The following PLXNA4 variants were observed in gnomAD, a reference collection of about 807,000 sequenced individuals.
The protein encoded by PLXNA4 is plexin A4.
PLXNA4 carries 44 observed loss-of-function variants against 191.8 expected under a neutral mutation model. That is an observed-to-expected ratio of 0.23 (90% CI 0.18 to 0.29). The LOEUF is 0.29. Among genes scored for constraint, PLXNA4 ranks in the 10% least tolerant of loss-of-function variants. The probability of loss-of-function intolerance (pLI) is 1.00; values close to 1 mark genes in which losing one functional copy is unlikely to be tolerated. For missense variants in PLXNA4, 1,800 were observed against 2,488.8 expected, an observed-to-expected ratio of 0.72 and a Z score of 5.89; for synonymous variants, 1,082 against 1,009.5, an observed-to-expected ratio of 1.07 and a Z score of -1.36.
intron 4 of PLXNA4, among the ~76,000 whole-genome samples, chr7:132,248,112 T>C (rs1799123922): frequency 6.6e-6 from 1 of 152,224 alleles, no homozygotes; most frequent in Non-Finnish European, 1.5e-5. Context: ...GGCAAATGAA[T>C]GCTTCCGAAG....
In PLXNA4 at chr7:132,198,634, T is replaced by A. The variant is rs373278421; in HGVS notation, c.2589A>T (p.Ile863=). ...SKCTNPRITE[I]IPVTGPREGG... ...CTTCCCGGGGGCCTGTCACCGGGATTATCTGGAGGGAGGAAGAGAAATAAT... is the reference window on the plus strand; with the variant it reads ...CTTCCCGGGGGCCTGTCACCGGGATAATCTGGAGGGAGGAAGAGAAATAAT... Residue 863 remains isoleucine (I), a splice_region_variant and synonymous_variant, in exon 13 of 32, where the codon ATA becomes ATT. Transcript: ENST00000321063. 2.5e-6 allele frequency: 4 copies of A among 1,614,048 alleles called. No homozygotes were observed. Among genetic ancestry groups the A allele is most frequent in the Non-Finnish European group, 1.7e-6 (2 of 1,179,990 alleles).
intron 1 of PLXNA4, among the ~76,000 whole-genome samples, chr7:132,532,548 C>A (rs1223848179): frequency 1.3e-5 from 2 of 152,192 alleles, no homozygotes; most frequent in African/African-American, 2.4e-5. Flanking sequence ...ATCCTTTATG[C>A]ACAATGCATT....
At chr7:132,238,814 A>AG (rs5887557) in intron 5 of PLXNA4, among the ~76,000 whole-genome samples, 2,482 of 146,404 alleles carry the variant, frequency 0.017, 26 homozygotes, top group South Asian at 0.056. Flanking sequence ...GAGTCACAAG[A>AG]GGGGGGGGGG....
At position 132,438,014 on chromosome 7, in the gene PLXNA4, C is replaced by G. The variant is rs185778516; in HGVS notation, c.1371+51278G>C. Among the ~76,000 whole-genome samples the G allele has an allele frequency of 2.6e-5, 4 of 152,242 alleles. No individual in the cohort carries two copies. The East Asian group carries it at 7.7e-4, about 29-fold the overall frequency. On this transcript the variant is annotated intron_variant, in intron 3 of 31. Transcript: ENST00000321063. ...TCAAGAGGAGGGGCAGGAACTGCATCCAGCGTGTGGTTGTGTACGGTTGTG... is the reference window on the plus strand; with the variant it reads ...TCAAGAGGAGGGGCAGGAACTGCATGCAGCGTGTGGTTGTGTACGGTTGTG...
At chr7:132,562,985 T>TCCTCCTCCTC (rs1563175152) in intron 1 of PLXNA4, among the ~76,000 whole-genome samples, 3 of 7,590 alleles carry the variant, frequency 4.0e-4, no homozygotes, top group Non-Finnish European at 5.4e-4. Context: ...TCCTCCTCCT[T>TCCTCCTCCTC]CTCCTCCTCC....
chr7:132,342,196 A>G (rs1043195571), intron 3 of PLXNA4, among the ~76,000 whole-genome samples: 1 of 150,294 alleles, frequency 6.7e-6, no homozygotes, highest in Non-Finnish European at 1.5e-5. Context: ...GGAATTTATG[A>G]TTATAAATAA....
At chr7:132,379,214 T>C (rs142445846) in intron 3 of PLXNA4, among the ~76,000 whole-genome samples, 1 of 152,272 alleles carries the variant, frequency 6.6e-6, no homozygotes, top group East Asian at 1.9e-4. Flanking sequence ...TTGGAGATAT[T>C]CAAGTGGAGG....
At chr7:132,428,508 G>C (rs1306778719) in intron 3 of PLXNA4, among the ~76,000 whole-genome samples, 4 of 152,204 alleles carry the variant, frequency 2.6e-5, no homozygotes, top group African/African-American at 9.7e-5. Flanking sequence ...AAAACAGCTG[G>C]GTCTCTAGGG....
At chr7:132,474,256 A>G (rs1271730609) in intron 3 of PLXNA4, among the ~76,000 whole-genome samples, 3 of 123,700 alleles carry the variant, frequency 2.4e-5, no homozygotes, top group African/African-American at 8.4e-5. Context: ...ACACACACAC[A>G]CATGCACACA....
chr7:132,478,533 A>C (rs1157670975), intron 3 of PLXNA4, among the ~76,000 whole-genome samples: 1 of 152,212 alleles, frequency 6.6e-6, no homozygotes, highest in Admixed American at 6.5e-5. Context: ...AGAAAGACCA[A>C]TGTAAAGAAT....
chr7:132,474,365 C>G (rs1284889952), intron 3 of PLXNA4, among the ~76,000 whole-genome samples: 2 of 151,970 alleles, frequency 1.3e-5, no homozygotes, highest in Admixed American at 1.3e-4. Flanking sequence ...TTCTGTAGTT[C>G]TTTTAATTAA....
At position 132,358,400 on chromosome 7, in the gene PLXNA4, GAA is replaced by G. The variant is rs368288781; in HGVS notation, c.1372-60180_1372-60179del. ...CTTTTGGGGGAGAGCAAAGTTTTAA[GAA>G]AAGATATTGCCTGCCAGTGTAGCTA... On this transcript the variant is annotated intron_variant, in intron 3 of 31. Coordinates refer to ENST00000321063, the MANE Select transcript of PLXNA4 (RefSeq NM_020911.2). Among the ~76,000 whole-genome samples, 10 of 152,290 alleles carry G rather than the reference GAA, an allele frequency of 6.6e-5. No individual in the cohort carries two copies. The East Asian group carries it at 1.9e-3, about 29-fold the overall frequency.
intron 1 of PLXNA4, among the ~76,000 whole-genome samples, chr7:132,571,663 C>G (rs1421140052): frequency 6.6e-6 from 1 of 152,134 alleles, no homozygotes. Flanking sequence ...AGCTTCTATG[C>G]TATCAAAATG....
chr7:132,608,208 C>A (rs1440016396), intron 2 of PLXNA4, among the ~76,000 whole-genome samples: 1 of 152,226 alleles, frequency 6.6e-6, no homozygotes, highest in Non-Finnish European at 1.5e-5. Context: ...CCACCATGAT[C>A]ATCATCACTA....
intron 4 of PLXNA4, among the ~76,000 whole-genome samples, chr7:132,287,124 G>A (rs953966345): frequency 2.0e-5 from 3 of 152,058 alleles, no homozygotes; most frequent in South Asian, 2.1e-4. Flanking sequence ...AACCTCTGCC[G>A]CCTGGGTTCA....
chr7:132,211,925 G>A (rs1025697575), intron 9 of PLXNA4, among the ~76,000 whole-genome samples: 10 of 152,182 alleles, frequency 6.6e-5, no homozygotes, highest in Non-Finnish European at 1.5e-4. Flanking sequence ...GACATAAGGA[G>A]GTCAGAAGAA....
chr7:132,559,103 A>G (rs1277606954), intron 1 of PLXNA4, among the ~76,000 whole-genome samples: 1 of 152,164 alleles, frequency 6.6e-6, no homozygotes, highest in Non-Finnish European at 1.5e-5. Context: ...TCTGCCTCCT[A>G]GTAAGGAAAC....
chr7:132,194,368 ACTGAC>A (rs1797186812), intron 13 of PLXNA4, among the ~76,000 whole-genome samples, 189 bp from the exon 14 acceptor site: 3 of 152,162 alleles, frequency 2.0e-5, no homozygotes, highest in African/African-American at 4.8e-5. Context: ...AATGACGAAA[ACTGAC>A]CTATGGGATC....
At chr7:132,240,936 G>A in intron 5 of PLXNA4, 130 bp downstream of exon 5, 1 of 607,384 alleles carries the variant, frequency 1.6e-6, no homozygotes, top group Non-Finnish European at 2.7e-6. Context: ...AAGGATGCAA[G>A]GAAGGAAGAG....
Sources: gnomAD v4.1 joint callset for allele counts (sites outside exome capture counted in the v4.1 genomes callset) on GRCh38, gnomAD v4.1.1 for gene constraint, MANE v1.5 for transcripts, NCBI Gene and HGNC (gene_info 2026-07-23, HGNC 2026-07-21) for gene names.